CPVL: variants seen among roughly 807,000 people sequenced by gnomAD.
The protein encoded by CPVL is probable serine carboxypeptidase CPVL.
In CPVL, 51 loss-of-function variants were observed where a neutral mutation model predicts 63.7. The ratio of observed to expected loss-of-function variants is 0.80; its 90% CI spans 0.64 to 1.01. The LOEUF (loss-of-function observed/expected upper bound fraction) is 1.01, where lower values mean the gene tolerates loss of function less well. Among genes scored for constraint, CPVL ranks in the 50% least tolerant of loss-of-function variants. The probability of loss-of-function intolerance (pLI) is 0.00; values close to 1 mark genes in which losing one functional copy is unlikely to be tolerated. For missense variants in CPVL, 530 were observed against 573.1 expected (o/e 0.92, Z 0.77); for synonymous variants, 195 against 206.0 (o/e 0.95, Z 0.46).
intron 11 of CPVL, among the ~76,000 whole-genome samples, chr7:29,033,656 T>G (rs1788246141): frequency 6.6e-6 from 1 of 152,158 alleles, no homozygotes. Flanking sequence ...GAATGCAGCT[T>G]TTAGCTACAC....
At chr7:29,130,318 T>C (rs1040695477) in intron 1 of CPVL, among the ~76,000 whole-genome samples, 2 of 152,198 alleles carry the variant, frequency 1.3e-5, no homozygotes, top group East Asian at 3.8e-4. Flanking sequence ...ACATCAAATA[T>C]GTCTGGCATT....
At chr7:29,170,588 A>G (rs1221137618) in intron 5 of CPVL, among the ~76,000 whole-genome samples, 2 of 152,230 alleles carry the variant, frequency 1.3e-5, no homozygotes, top group African/African-American at 4.8e-5. Flanking sequence ...ATTACATGAC[A>G]AATGTATGTC....
intron 5 of CPVL, among the ~76,000 whole-genome samples, chr7:29,178,377 T>A (rs1797630014): frequency 6.6e-6 from 1 of 152,194 alleles, no homozygotes; most frequent in South Asian, 2.1e-4. Flanking sequence ...TGACCTGGTC[T>A]TCCTCTGCGT....
intron 12 of CPVL, among the ~76,000 whole-genome samples, chr7:29,029,099 A>G (rs1787776164): frequency 1.3e-5 from 2 of 152,204 alleles, no homozygotes; most frequent in African/African-American, 4.8e-5. Flanking sequence ...TAAAACCACA[A>G]TGAGGTATCA....
At chr7:29,139,977 A>G (rs1375790786) in intron 1 of CPVL, among the ~76,000 whole-genome samples, 2 of 152,200 alleles carry the variant, frequency 1.3e-5, no homozygotes, top group Non-Finnish European at 2.9e-5. Flanking sequence ...ACAGGGAGAT[A>G]TTTCCCACGG....
chr7:29,064,298 A>T, intron 10 of CPVL, 64 bp from the exon 11 acceptor site: 5 of 1,004,666 alleles, frequency 5.0e-6, no homozygotes, highest in Non-Finnish European at 7.5e-6. Context: ...GTATGTTGGG[A>T]AAAGCTGTGA....
upstream of CPVL, among the ~76,000 whole-genome samples, chr7:29,148,836 T>C (rs1247320270): frequency 1.3e-5 from 2 of 152,064 alleles, no homozygotes; most frequent in African/African-American, 2.4e-5. Context: ...AGAGCTGTAA[T>C]TGGGGCTGAT....
chr7:29,194,109 C>T (rs970494790), intron 1 of CPVL: 1 of 152,676 alleles, frequency 6.5e-6, no homozygotes, highest in African/African-American at 2.4e-5. Context: ...GTGATCCCGC[C>T]TTCGCCCTCT....
chr7:29,171,500 A>G (rs528238295), intron 5 of CPVL, among the ~76,000 whole-genome samples: 13 of 152,336 alleles, frequency 8.5e-5, no homozygotes, highest in African/African-American at 2.9e-4. Flanking sequence ...GATTCTACCC[A>G]GAATCCTCCT....
At chr7:29,186,077 A>G (rs964573069) in intron 2 of CPVL, among the ~76,000 whole-genome samples, 27 of 152,186 alleles carry the variant, frequency 1.8e-4, no homozygotes, top group African/African-American at 5.8e-4. Flanking sequence ...TGGAAGTTGA[A>G]CAGGATGGAG....
intron 12 of CPVL, among the ~76,000 whole-genome samples, chr7:28,996,610 A>G (rs919937902): frequency 1.3e-5 from 2 of 151,142 alleles, no homozygotes; most frequent in African/African-American, 4.8e-5. Context: ...TCATGTTTTG[A>G]GCAGCATAGA....
At chr7:29,115,174 C>T (rs1370131254) in intron 2 of CPVL, among the ~76,000 whole-genome samples, 12 of 152,200 alleles carry the variant, frequency 7.9e-5, no homozygotes, top group Admixed American at 7.9e-4. Context: ...TGCATATGAA[C>T]CCTTAGCCTA....
intron 9 of CPVL, among the ~76,000 whole-genome samples, chr7:29,069,626 T>A (rs567395249): frequency 6.6e-6 from 1 of 152,268 alleles, no homozygotes; most frequent in Admixed American, 6.5e-5. Context: ...TTTTACAGAA[T>A]GCCTGAAAAT....
At chr7:29,072,991 C>T (rs2128578047) in intron 7 of CPVL, among the ~76,000 whole-genome samples, 1 of 152,312 alleles carries the variant, frequency 6.6e-6, no homozygotes, top group South Asian at 2.1e-4. Flanking sequence ...TTTCCCCTAA[C>T]AAACATGGTA....
chr7:29,158,075 A>G (rs62444096), intron 5 of CPVL, among the ~76,000 whole-genome samples: 32,127 of 152,100 alleles, frequency 0.21, 4,313 homozygotes, highest in East Asian at 0.41. Flanking sequence ...AAAAGACACA[A>G]TGAGCTCATC....
intron 7 of CPVL, among the ~76,000 whole-genome samples, chr7:29,080,665 T>C (rs1178416007): frequency 6.6e-6 from 1 of 152,126 alleles, no homozygotes; most frequent in Non-Finnish European, 1.5e-5. Context: ...TAATATTCAT[T>C]AAGCACCGTG....
chr7:29,037,595 T>C (rs945477578), intron 11 of CPVL, among the ~76,000 whole-genome samples: 5 of 148,300 alleles, frequency 3.4e-5, no homozygotes, highest in Non-Finnish European at 5.9e-5. Context: ...AAAGCACATA[T>C]GAATCGGGAG....
intron 12 of CPVL, among the ~76,000 whole-genome samples, chr7:29,004,096 CAT>C (rs1784936857): frequency 6.6e-6 from 1 of 152,130 alleles, no homozygotes; most frequent in African/African-American, 2.4e-5. Flanking sequence ...GGATATATGT[CAT>C]AATCTCTACA....
intron 12 of CPVL, among the ~76,000 whole-genome samples, chr7:29,014,358 G>A (rs1238291582): frequency 2.0e-5 from 3 of 152,168 alleles, no homozygotes; most frequent in Middle Eastern, 6.8e-3. Flanking sequence ...TTTGAGACAG[G>A]GTCTTACTCT....
Sources: gnomAD v4.1 joint callset for allele counts (sites outside exome capture counted in the v4.1 genomes callset) on GRCh38, gnomAD v4.1.1 for gene constraint, MANE v1.5 for transcripts, NCBI Gene and HGNC (gene_info 2026-07-23, HGNC 2026-07-21) for gene names.